UNC80: variants seen among roughly 807,000 people sequenced by gnomAD.
UNC80 encodes unc-80 subunit of NALCN channel complex, also known as protein unc-80 homolog.
UNC80 carries 164 observed loss-of-function variants against 384.6 expected under a neutral mutation model. The ratio of observed to expected loss-of-function variants is 0.43; its 90% confidence interval spans 0.38 to 0.49. The LOEUF (loss-of-function observed/expected upper bound fraction) is 0.49, where lower values mean the gene tolerates loss of function less well. Among genes scored for constraint, UNC80 ranks in the 20% least tolerant of loss-of-function variants. UNC80 has a pLI of 0.00. For missense variants in UNC80, 3,330 were observed against 4,143.0 expected (o/e 0.80, Z 5.39); for synonymous variants, 1,486 against 1,527.8 (o/e 0.97, Z 0.64).
At chr2:209,877,844 T>C in intron 23 of UNC80, 110 bp from the exon 24 acceptor site, 1 of 1,253,520 alleles carries the variant, frequency 8.0e-7, no homozygotes, top group Non-Finnish European at 1.1e-6. Flanking sequence ...AAGAGGCTTA[T>C]GCTGGAAATA....
intron 47 of UNC80, among the ~76,000 whole-genome samples, chr2:209,949,805 C>A: frequency 7.6e-6 from 1 of 130,804 alleles, no homozygotes; most frequent in African/African-American, 2.8e-5. Context: ...AACTCCTATT[C>A]TCTGTAGAAA....
intron 17 of UNC80, 65 bp downstream of exon 17, chr2:209,834,233 A>G (rs2081191998): frequency 6.7e-7 from 1 of 1,500,926 alleles, no homozygotes; most frequent in Non-Finnish European, 9.0e-7. Context: ...AATCTGTTGT[A>G]CTGTTTGTGT....
chr2:209,978,360 TA>T (rs2093064355), intron 58 of UNC80, among the ~76,000 whole-genome samples, 168 bp from the exon 59 acceptor site: 2 of 152,210 alleles, frequency 1.3e-5, no homozygotes, highest in Admixed American at 6.5e-5. Context: ...ATTGATTCTT[TA>T]AAATAAAAAA....
In UNC80 at chr2:209,817,885, C is replaced by G; in HGVS notation, c.1626C>G (p.Ser542=). 6.4e-7 allele frequency: 1 copy of G among 1,551,640 alleles called. No homozygotes were observed. The highest frequency in any genetic ancestry group is 8.7e-7 in the Non-Finnish European group (1 of 1,147,000). The change falls in exon 11 of 65, where the codon TCC becomes TCG. Residue 542 remains serine (S), a synonymous_variant. Transcript: ENST00000673920. ...GTCTGAGCGCCAGGCATTCCCACTC[C>G]CATCACACCCTGGTAAGCGACCTGC... ...MESLSARHSH[S]HHTLVSDLPD...
At chr2:209,820,208 A>G in intron 12 of UNC80, 103 bp from the exon 13 acceptor site, 1 of 1,382,848 alleles carries the variant, frequency 7.2e-7, no homozygotes, top group Non-Finnish European at 9.4e-7. Flanking sequence ...ACCCAATTTC[A>G]TAGACTAGCC....
At chr2:209,943,049 A>G (rs2091728954) in intron 44 of UNC80, among the ~76,000 whole-genome samples, 1 of 152,222 alleles carries the variant, frequency 6.6e-6, no homozygotes, top group Non-Finnish European at 1.5e-5. Flanking sequence ...AGATATATTT[A>G]TGAATAATTT....
intron 16 of UNC80, among the ~76,000 whole-genome samples, chr2:209,833,174 G>A (rs954916258): frequency 3.3e-5 from 5 of 150,898 alleles, no homozygotes; most frequent in African/African-American, 1.2e-4. Context: ...AAAAATTATG[G>A]ACATAATTGT....
chr2:209,995,368 G>T lies in UNC80; in HGVS notation c.9748G>T (p.Asp3250Tyr). The change falls in exon 65 of 65, where the codon GAC (aspartate) becomes TAC (tyrosine). Residue 3250 changes from aspartate to tyrosine, a missense_variant. Transcript: ENST00000673920. ...FPTEEGEKEE[D>Y]TEAQGATAHS... Reference sequence around the variant, plus strand: ...CACTGAAGAAGGAGAAAAGGAGGAGGACACAGAAGCACAAGGTGCTACTGC... The same window carrying T: ...CACTGAAGAAGGAGAAAAGGAGGAGTACACAGAAGCACAAGGTGCTACTGC... 6.4e-7 allele frequency: 1 copy of T among 1,552,162 alleles called. No homozygotes were observed. Among genetic ancestry groups the T allele is most frequent in the Non-Finnish European group, 8.7e-7 (1 of 1,147,094 alleles).
At chr2:209,951,222 T>A (rs2092163994) in intron 47 of UNC80, among the ~76,000 whole-genome samples, 1 of 152,160 alleles carries the variant, frequency 6.6e-6, no homozygotes, top group Non-Finnish European at 1.5e-5. Flanking sequence ...TTCCATTTTC[T>A]ACTGACTTAT....
At chr2:209,841,356 TTTTTG>T (rs771851804) in intron 20 of UNC80, among the ~76,000 whole-genome samples, 7 of 152,230 alleles carry the variant, frequency 4.6e-5, no homozygotes, top group Non-Finnish European at 1.0e-4. Context: ...GTTGTTGTTG[TTTTTG>T]TTTTGTTTTG....
chr2:209,815,499 A>G, intron 9 of UNC80, 108 bp downstream of exon 9: 57 of 1,250,270 alleles, frequency 4.6e-5, no homozygotes, highest in Non-Finnish European at 6.1e-5. Context: ...GGGAAAGGGA[A>G]CTTAGAAACC....
intron 29 of UNC80, among the ~76,000 whole-genome samples, chr2:209,910,940 A>G (rs1032730608): frequency 3.9e-5 from 6 of 152,150 alleles, no homozygotes; most frequent in African/African-American, 1.4e-4. Flanking sequence ...GGCTGAAAGG[A>G]ACCTAATAAT....
At chr2:209,994,873 T>C (rs1316648864) in intron 64 of UNC80, among the ~76,000 whole-genome samples, 1 of 152,194 alleles carries the variant, frequency 6.6e-6, no homozygotes, top group African/African-American at 2.4e-5. Flanking sequence ...AAAGGAACTT[T>C]TTGTTTTCAT....
intron 18 of UNC80, among the ~76,000 whole-genome samples, chr2:209,835,578 A>T (rs1191703990): frequency 6.6e-6 from 1 of 152,206 alleles, no homozygotes; most frequent in Admixed American, 6.5e-5. Flanking sequence ...GCCCCCAGAA[A>T]ATATAAGGGT....
chr2:209,959,823 T>C, intron 51 of UNC80, 116 bp downstream of exon 51: 1 of 974,872 alleles, frequency 1.0e-6, no homozygotes, highest in Non-Finnish European at 1.5e-6. Context: ...TATAGAATGA[T>C]TTGTTTCCGG....
Position 209,913,794 on chromosome 2 carries a change from T to C in UNC80, c.4891-8T>C, listed in dbSNP as rs1485046021. The C allele has an allele frequency of 1.3e-6, 2 of 1,540,322 alleles. No individual in the cohort carries two copies. Among genetic ancestry groups the C allele is most frequent in the Non-Finnish European group, 8.8e-7 (1 of 1,138,912 alleles). ...AGATTTTAAAACATGATTTCCATCTTTTCCCAGGTGATGAGCTTGTCGCCT... is the reference window on the plus strand; with the variant it reads ...AGATTTTAAAACATGATTTCCATCTCTTCCCAGGTGATGAGCTTGTCGCCT... On this transcript the variant is annotated splice_region_variant and splice_polypyrimidine_tract_variant and intron_variant, in intron 30 of 64. Coordinates refer to ENST00000673920, the MANE Select transcript of UNC80 (RefSeq NM_001371986.1).
chr2:209,936,626 G>GTA (rs202071435), intron 40 of UNC80, among the ~76,000 whole-genome samples: 6,073 of 151,764 alleles, frequency 0.04, 236 homozygotes, highest in South Asian at 0.14. Flanking sequence ...TGGTATGTGT[G>GTA]TATATATATG....
chr2:209,835,074 A>G lies in UNC80; in HGVS notation c.3041+64A>G, dbSNP rs1282600522. ...TGCACTTCACTCTGGAAGAATTTCT[A>G]TTTTCCAAACTGCTATTTGTTTGTT... On this transcript the variant is annotated intron_variant, in intron 18 of 64. Coordinates refer to ENST00000673920, the MANE Select transcript of UNC80 (RefSeq NM_001371986.1). The G allele has an allele frequency of 1.4e-5, 18 of 1,307,358 alleles. No individual in the cohort carries two copies. In the East Asian group the frequency reaches 1.8e-4, roughly 13 times the overall value. 81.0% of individuals were successfully genotyped at this position (1,307,358 alleles called of 1,614,324 possible).
At chr2:209,895,880 G>C (rs1297259471) in intron 27 of UNC80, among the ~76,000 whole-genome samples, 1 of 152,200 alleles carries the variant, frequency 6.6e-6, no homozygotes, top group Non-Finnish European at 1.5e-5. Flanking sequence ...CTGGTGGCTA[G>C]AGCAATAGCA....
Sources: allele counts gnomAD v4.1 joint callset (sites outside exome capture counted in the v4.1 genomes callset), GRCh38; gene constraint gnomAD v4.1.1; transcripts MANE v1.5; gene names NCBI Gene and HGNC (gene_info 2026-07-23, HGNC 2026-07-21).